FAM13C: variants seen among roughly 807,000 people sequenced by gnomAD.
The protein encoded by FAM13C is protein FAM13C.
FAM13C carries 37 observed loss-of-function variants against 73.2 expected under a neutral mutation model. The ratio of observed to expected loss-of-function variants is 0.51; its 90% confidence interval spans 0.39 to 0.67. The LOEUF is 0.67. FAM13C is among the 30% of genes least tolerant of loss of function. The pLI is 0.00. For missense variants in FAM13C, 589 were observed against 715.6 expected, an observed-to-expected ratio of 0.82 and a Z score of 2.02; for synonymous variants, 246 against 260.9, an observed-to-expected ratio of 0.94 and a Z score of 0.55.
At chr10:59,305,450 T>A (rs1228157035) in intron 4 of FAM13C, among the ~76,000 whole-genome samples, 2 of 152,210 alleles carry the variant, frequency 1.3e-5, no homozygotes, top group African/African-American at 4.8e-5. Flanking sequence ...AGTGTTAACA[T>A]TTATAAAAAG....
At chr10:59,341,758 T>C (rs1399130615) in intron 3 of FAM13C, among the ~76,000 whole-genome samples, 1 of 152,080 alleles carries the variant, frequency 6.6e-6, no homozygotes, top group African/African-American at 2.4e-5. Flanking sequence ...AGTAGAGGTA[T>C]AGAGGGTTCA....
At chr10:59,322,204 A>AT (rs35494983) in intron 4 of FAM13C, among the ~76,000 whole-genome samples, 2 of 151,990 alleles carry the variant, frequency 1.3e-5, no homozygotes, top group Non-Finnish European at 2.9e-5. Flanking sequence ...TTTGAGATGG[A>AT]TTTTTTTAAA....
chr10:59,250,960 G>A (rs1424833886), intron 13 of FAM13C, among the ~76,000 whole-genome samples: 1 of 152,052 alleles, frequency 6.6e-6, no homozygotes, highest in Non-Finnish European at 1.5e-5. Flanking sequence ...CTTATCTCTT[G>A]ATTATATATG....
At chr10:59,336,701 C>A (rs1852766135) in intron 3 of FAM13C, among the ~76,000 whole-genome samples, 1 of 152,212 alleles carries the variant, frequency 6.6e-6, no homozygotes, top group African/African-American at 2.4e-5. Flanking sequence ...AGTTCAGATG[C>A]TTGGCAGCCA....
At chr10:59,262,831 A>C (rs1315000551) in intron 9 of FAM13C, among the ~76,000 whole-genome samples, 186 bp from the exon 10 acceptor site, 1 of 152,160 alleles carries the variant, frequency 6.6e-6, no homozygotes, top group African/African-American at 2.4e-5. Context: ...TCGGGTGTGA[A>C]AACAGGGCTC....
At chr10:59,302,666 A>G (rs1240109415) in intron 5 of FAM13C, 135 bp downstream of exon 5, 3 of 735,386 alleles carry the variant, frequency 4.1e-6, no homozygotes, top group Non-Finnish European at 6.8e-6. Flanking sequence ...ACAAAGAACT[A>G]TAAGTATTAC....
chr10:59,348,067 T>C (rs1179509583), intron 3 of FAM13C, among the ~76,000 whole-genome samples: 1 of 152,220 alleles, frequency 6.6e-6, no homozygotes. Context: ...AGAGCCACTC[T>C]GAGGTCCTAC....
chr10:59,344,217 C>T (rs1169441430), intron 3 of FAM13C, among the ~76,000 whole-genome samples: 1 of 151,450 alleles, frequency 6.6e-6, no homozygotes, highest in Non-Finnish European at 1.5e-5. Context: ...CCACCTTGGC[C>T]TCCGAAAGTG....
At chr10:59,332,240 A>ATGTG (rs556199666) in intron 3 of FAM13C, among the ~76,000 whole-genome samples, 3 of 151,366 alleles carry the variant, frequency 2.0e-5, no homozygotes, top group South Asian at 2.1e-4. Flanking sequence ...TTGTATATAT[A>ATGTG]TGTGTGTGTG....
intron 6 of FAM13C, chr10:59,282,275 T>C (rs1845008812): frequency 6.6e-6 from 1 of 152,210 alleles, no homozygotes; most frequent in Non-Finnish European, 1.5e-5. Context: ...ATAGAATGTT[T>C]TAAATAATGA....
At chr10:59,292,196 GT>G (rs2133785338) in intron 5 of FAM13C, among the ~76,000 whole-genome samples, 1 of 152,306 alleles carries the variant, frequency 6.6e-6, no homozygotes, top group Non-Finnish European at 1.5e-5. Flanking sequence ...AACTTCAATA[GT>G]TTCTCAATGG....
intron 3 of FAM13C, among the ~76,000 whole-genome samples, chr10:59,325,828 T>A (rs1851032163): frequency 6.6e-6 from 1 of 152,150 alleles, no homozygotes. Flanking sequence ...CCTTGCAGAA[T>A]TAACCCAAAT....
chr10:59,353,662 G>C (rs1855356873), intron 2 of FAM13C, among the ~76,000 whole-genome samples: 1 of 152,200 alleles, frequency 6.6e-6, no homozygotes. Flanking sequence ...CATCAGGAAG[G>C]ATGAGTTCCA....
At chr10:59,357,129 G>A (rs1240737222) in intron 1 of FAM13C, among the ~76,000 whole-genome samples, 3 of 152,200 alleles carry the variant, frequency 2.0e-5, no homozygotes, top group Non-Finnish European at 2.9e-5. Context: ...GCTTGCAGAC[G>A]GACTATTGTG....
chr10:59,266,652 T>A (rs1843101439), intron 8 of FAM13C, among the ~76,000 whole-genome samples: 1 of 152,166 alleles, frequency 6.6e-6, no homozygotes, highest in Non-Finnish European at 1.5e-5. Context: ...TGTCCTTCCA[T>A]ATGTGTATTT....
chr10:59,294,507 G>T (rs1846669590), intron 5 of FAM13C, among the ~76,000 whole-genome samples: 1 of 152,170 alleles, frequency 6.6e-6, no homozygotes, highest in African/African-American at 2.4e-5. Context: ...AGAGGCAGCT[G>T]CTGGCATGGC....
At chr10:59,310,705 A>G (rs1848821755) in intron 4 of FAM13C, among the ~76,000 whole-genome samples, 1 of 152,178 alleles carries the variant, frequency 6.6e-6, no homozygotes, top group African/African-American at 2.4e-5. Context: ...TGAACTCCCA[A>G]GGATGCTTCA....
chr10:59,355,174 T>C (rs1855552139), intron 2 of FAM13C, among the ~76,000 whole-genome samples: 1 of 152,138 alleles, frequency 6.6e-6, no homozygotes, highest in Non-Finnish European at 1.5e-5. Flanking sequence ...ATCTATATTC[T>C]AGCCTATCTC....
Position 59,362,440 on chromosome 10 carries a change from G to A in FAM13C, c.21C>T (p.Phe7=), listed in dbSNP as rs1413501803. ...TGCTGAAGGAATTATCCTGAAGGCT[G>A]AAACAGAAACAAGAAAACATCAGCC... MFSCFC[F]SLQDNSFSST... Residue 7 remains phenylalanine (F), a synonymous_variant, in exon 1 of 14, where the codon TTC becomes TTT. Transcript: ENST00000618804. The A allele has an allele frequency of 1.1e-5, 18 of 1,613,834 alleles. No individual in the cohort carries two copies. The highest frequency in any genetic ancestry group is 1.4e-5 in the Non-Finnish European group (16 of 1,179,952).
Sources: gnomAD v4.1 joint callset for allele counts (sites outside exome capture counted in the v4.1 genomes callset) on GRCh38, gnomAD v4.1.1 for gene constraint, MANE v1.5 for transcripts, NCBI Gene and HGNC (gene_info 2026-07-23, HGNC 2026-07-21) for gene names.